TDRD5: variants seen among roughly 807,000 people sequenced by gnomAD.
TDRD5 encodes tudor domain-containing protein 5.
Under a neutral mutation model 120.6 loss-of-function variants are expected in TDRD5, and 41 were observed. The observed-to-expected ratio is 0.34, with a 90% CI of 0.26 to 0.44. The LOEUF is 0.44. TDRD5 is among the 20% of genes least tolerant of loss of function. The probability of loss-of-function intolerance (pLI) is 1.00; values close to 1 mark genes in which losing one functional copy is unlikely to be tolerated. For synonymous variants in TDRD5, 430 were observed against 433.7 expected (o/e 0.99, Z 0.11); for missense variants, 1,006 against 1,221.2 (o/e 0.82, Z 2.63).
chr1:179,685,833 GCT>G (rs573620799), intron 17 of TDRD5, among the ~76,000 whole-genome samples: 1 of 151,294 alleles, frequency 6.6e-6, no homozygotes, highest in African/African-American at 2.4e-5. Flanking sequence ...TCATGATTTG[GCT>G]CTCTGTTTGT....
intron 17 of TDRD5, among the ~76,000 whole-genome samples, chr1:179,669,792 T>G (rs1013818451): frequency 6.6e-6 from 1 of 152,214 alleles, no homozygotes; most frequent in Non-Finnish European, 1.5e-5. Flanking sequence ...CCTACTTGCC[T>G]CTGGCATGTC....
intron 17 of TDRD5, among the ~76,000 whole-genome samples, chr1:179,687,522 G>C (rs971225949): frequency 1.3e-5 from 2 of 152,208 alleles, no homozygotes; most frequent in African/African-American, 4.8e-5. Context: ...ACATTCTGTT[G>C]ATTTGGAGTG....
At chr1:179,640,354 T>C (rs752708695) in intron 10 of TDRD5, 25 bp from the exon 11 acceptor site, 5 of 1,613,548 alleles carry the variant, frequency 3.1e-6, no homozygotes, top group African/African-American at 1.3e-5. Flanking sequence ...AAGATTGAAC[T>C]TACATATTTG....
intron 11 of TDRD5, among the ~76,000 whole-genome samples, chr1:179,642,368 G>A (rs1356890777): frequency 7.9e-5 from 12 of 152,110 alleles, no homozygotes; most frequent in Non-Finnish European, 1.6e-4. Context: ...CCAAAGTGCT[G>A]GGATTACAGG....
rs186926690 is a variant in TDRD5, at chr1:179,624,433, G to C, written c.972+3342G>C. On this transcript the variant is annotated intron_variant, in intron 6 of 17. Coordinates refer to ENST00000444136, the MANE Select transcript of TDRD5 (RefSeq NM_001199085.3). The stretch of plus-strand genomic sequence containing the variant: ...CATTGTATTGCAAGTTCTAACCAAT[G>C]TAATAAGGAAATAAAAGGCATGAAA... Among the ~76,000 whole-genome samples, 249 of 152,134 alleles carry C rather than the reference G, an allele frequency of 1.6e-3. 1 individual carries two copies. The highest frequency in any genetic ancestry group is 2.8e-3 in the Non-Finnish European group (192 of 67,994).
intron 17 of TDRD5, among the ~76,000 whole-genome samples, chr1:179,672,246 T>C (rs1679894730): frequency 6.6e-6 from 1 of 152,156 alleles, no homozygotes; most frequent in South Asian, 2.1e-4. Flanking sequence ...ATAAAAGCAT[T>C]CCCTTTCCAC....
Position 179,650,912 on chromosome 1 carries a change from G to A in TDRD5, c.1846G>A (p.Gly616Ser), listed in dbSNP as rs199784694. 3.1e-4 allele frequency: 500 copies of A among 1,614,074 alleles called. No homozygotes were observed. The highest frequency in any genetic ancestry group is 4.0e-4 in the Non-Finnish European group (468 of 1,179,996). Reference protein sequence around the residue: ...KAILQFQKLCGLKPLVGVVDE... With the variant: ...KAILQFQKLCSLKPLVGVVDE... ...TATTTTGCAGTTCCAGAAGTTGTGC[G>A]GTTTGAAGCCATTAGTGGGGGTAGT... The change falls in exon 12 of 18, where the codon GGT becomes AGT. Residue 616 changes from glycine to serine, a missense_variant. Gly to Ser is a moderately conservative substitution (Grantham distance 56, BLOSUM62 0). Transcript: ENST00000444136.
rs764873362 is a variant in TDRD5 at position 179,621,038 on chromosome 1, G to A, written c.919G>A (p.Val307Ile). Residue 307 changes from valine to isoleucine, a missense_variant, in exon 6 of 18, where the codon GTA becomes ATA. Physicochemically the swap from Val to Ile is conservative, Grantham distance 29. Coordinates refer to ENST00000444136, the MANE Select transcript of TDRD5 (RefSeq NM_001199085.3). ...SELKHKIKFV[V>I]SKFPEGLFIS... ...TATTTCACTTTCTATTTGTTAGGTT[G>A]TATCTAAGTTCCCAGAGGGTTTGTT... The A allele has an allele frequency of 1.6e-5, 26 of 1,601,138 alleles. No individual in the cohort carries two copies. In the South Asian group the frequency reaches 2.9e-4, roughly 18 times the overall value.
At chr1:179,675,277 T>TTTA (rs1680080973) in intron 17 of TDRD5, among the ~76,000 whole-genome samples, 2 of 125,222 alleles carry the variant, frequency 1.6e-5, no homozygotes, top group African/African-American at 3.2e-5. Flanking sequence ...ATTATTATTT[T>TTTA]TTTTTTTTTT....
chr1:179,679,440 A>G, intron 17 of TDRD5, among the ~76,000 whole-genome samples: 1 of 152,044 alleles, frequency 6.6e-6, no homozygotes, highest in Non-Finnish European at 1.5e-5. Context: ...ATTTGTGTGG[A>G]ATTGATATTA....
At chr1:179,620,028 A>G (rs1572354768) in intron 5 of TDRD5, among the ~76,000 whole-genome samples, 2 of 152,198 alleles carry the variant, frequency 1.3e-5, no homozygotes, top group East Asian at 3.8e-4. Context: ...GAAAGTTTAT[A>G]TATGTCTCTC....
chr1:179,615,482 G>A (rs1676519228), intron 4 of TDRD5, among the ~76,000 whole-genome samples: 1 of 151,990 alleles, frequency 6.6e-6, no homozygotes, highest in Non-Finnish European at 1.5e-5. Flanking sequence ...TTTCTCTTCT[G>A]AGGTCCTATA....
At chr1:179,635,983 C>A in intron 9 of TDRD5, 96 bp downstream of exon 9, 1 of 1,066,718 alleles carries the variant, frequency 9.4e-7, no homozygotes, top group Non-Finnish European at 1.3e-6. Context: ...ATTAAAGACC[C>A]AAGAGAGCTT....
chr1:179,637,974 A>T (rs551802982), intron 9 of TDRD5, among the ~76,000 whole-genome samples: 2 of 152,194 alleles, frequency 1.3e-5, no homozygotes, highest in Admixed American at 1.3e-4. Flanking sequence ...AGTGGGTATA[A>T]TCAGGTCCAG....
chr1:179,625,682 A>G (rs947214241), intron 6 of TDRD5, among the ~76,000 whole-genome samples: 2 of 152,228 alleles, frequency 1.3e-5, no homozygotes, highest in African/African-American at 4.8e-5. Flanking sequence ...GTGTCCTCAA[A>G]GACTTATATG....
chr1:179,671,852 C>T (rs922844439), intron 17 of TDRD5, among the ~76,000 whole-genome samples: 1 of 151,982 alleles, frequency 6.6e-6, no homozygotes, highest in African/African-American at 2.4e-5. Context: ...GTTTTCCATT[C>T]CTGAATTACT....
At chr1:179,619,287 T>C (rs1676721931) in intron 5 of TDRD5, among the ~76,000 whole-genome samples, 2 of 152,226 alleles carry the variant, frequency 1.3e-5, no homozygotes, top group African/African-American at 4.8e-5. Context: ...ACATTAAGCA[T>C]CTTTTCATGT....
At chr1:179,623,839 A>G (rs1476049577) in intron 6 of TDRD5, among the ~76,000 whole-genome samples, 5 of 151,640 alleles carry the variant, frequency 3.3e-5, no homozygotes, top group Non-Finnish European at 1.5e-5. Flanking sequence ...GGGTCTCACC[A>G]TGTTACCCAG....
Position 179,652,179 on chromosome 1 carries a change from G to C in TDRD5, c.2142G>C (p.Glu714Asp). 1.2e-6 allele frequency: 2 copies of C among 1,610,114 alleles called. No homozygotes were observed. The highest frequency in any genetic ancestry group is 1.7e-6 in the Non-Finnish European group (2 of 1,179,090). Reference sequence around the variant, plus strand: ...GAAAGATAAGTCCACAGTCAAAAGAGAGTGAGTTACGTATCTTGGTAAGAG... The same window carrying C: ...GAAAGATAAGTCCACAGTCAAAAGACAGTGAGTTACGTATCTTGGTAAGAG... ...EDRKISPQSK[E>D]SELRILQDIN... The change falls in exon 13 of 18, where the codon GAG becomes GAC. Residue 714 changes from glutamate (E) to aspartate (D), a missense_variant. Coordinates refer to ENST00000444136, the MANE Select transcript of TDRD5 (RefSeq NM_001199085.3).
Sources: allele counts gnomAD v4.1 joint callset (sites outside exome capture counted in the v4.1 genomes callset), GRCh38; gene constraint gnomAD v4.1.1; transcripts MANE v1.5; gene names NCBI Gene and HGNC (gene_info 2026-07-23, HGNC 2026-07-21).